Variants in MCM6 observed in about 807,000 individuals in gnomAD.
MCM6 encodes the protein DNA replication licensing factor MCM6.
In MCM6, 46 loss-of-function variants were observed where a neutral mutation model predicts 94.3. The ratio of observed to expected loss-of-function variants is 0.49; its 90% confidence interval spans 0.39 to 0.62. The LOEUF (loss-of-function observed/expected upper bound fraction) is 0.62, where lower values mean the gene tolerates loss of function less well. MCM6 is among the 20% of genes least tolerant of loss of function. MCM6 has a pLI of 0.00. For missense variants in MCM6, 865 were observed against 1,017.9 expected (o/e 0.85, Z 2.04); for synonymous variants, 335 against 351.9 (o/e 0.95, Z 0.54).
chr2:135,865,376 T>G (rs1401895896), intron 6 of MCM6, among the ~76,000 whole-genome samples: 1 of 152,062 alleles, frequency 6.6e-6, no homozygotes, highest in Admixed American at 6.5e-5. Context: ...GTGAGTTAAA[T>G]AGAAAAAAAG....
Position 135,840,896 on chromosome 2 carries a change from C to T in MCM6, c.2405G>A (p.Ser802Asn), listed in dbSNP as rs757228396. Reference protein sequence around the residue: ...QAGLKGSTEGSESYEEDPYLV... With the variant: ...QAGLKGSTEGNESYEEDPYLV... ...GTAGGGATCTTCTTCATAGCTCTCA[C>T]TTCCCTCTGTGGAGCCTTTCAATCC... Residue 802 changes from serine (S) to asparagine (N), a missense_variant, in exon 17 of 17, where the codon AGT becomes AAT. By Grantham distance (46) the Ser-to-Asn change is conservative. This residue lies in a region of MCM6 where 308 missense variants were observed against 324.5 expected (regional missense o/e 0.95). Coordinates refer to ENST00000264156, the MANE Select transcript of MCM6 (RefSeq NM_005915.6). The T allele has an allele frequency of 5.6e-6, 9 of 1,614,188 alleles. No homozygotes were observed. In the Admixed American group the frequency reaches 1.5e-4, roughly 27 times the overall value.
At chr2:135,867,861 A>C (rs1032807245) in intron 4 of MCM6, among the ~76,000 whole-genome samples, 7 of 152,110 alleles carry the variant, frequency 4.6e-5, no homozygotes, top group Non-Finnish European at 1.0e-4. Flanking sequence ...CCCTGTCTCT[A>C]CTAAAAATAC....
In MCM6 at chr2:135,848,077, C is replaced by G. The variant is rs756785273; in HGVS notation, c.2029G>C (p.Asp677His). Residue 677 changes from aspartate (D) to histidine (H), a missense_variant, in exon 14 of 17, where the codon GAT becomes CAT. Physicochemically the swap from Asp to His is moderately conservative, Grantham distance 81. This residue lies in a region of MCM6 where 308 missense variants were observed against 324.5 expected (regional missense o/e 0.95). Coordinates refer to ENST00000264156, the MANE Select transcript of MCM6 (RefSeq NM_005915.6). The part of the protein sequence containing the change: ...DQEEEIQMEV[D>H]EGAGGINGHA... ...CCATTGATGCCACCAGCACCCTCAT[C>G]TACCTCCATCTGGATCTCTTCCTCT... The G allele has an allele frequency of 6.7e-5, 108 of 1,611,812 alleles. No individual in the cohort carries two copies. Among genetic ancestry groups the G allele is most frequent in the Non-Finnish European group, 8.4e-5 (99 of 1,178,142 alleles).
chr2:135,851,194 A>G (rs759157971), intron 13 of MCM6, among the ~76,000 whole-genome samples: 12 of 152,332 alleles, frequency 7.9e-5, no homozygotes, highest in Non-Finnish European at 1.0e-4. Context: ...TGCACTCTAT[A>G]AACTATGACG....
At chr2:135,866,989 T>C (rs1680104615) in intron 4 of MCM6, among the ~76,000 whole-genome samples, 1 of 152,200 alleles carries the variant, frequency 6.6e-6, no homozygotes, top group African/African-American at 2.4e-5. Flanking sequence ...AACTTCACTT[T>C]TACTCATTAA....
chr2:135,866,427 G>T, intron 5 of MCM6, 136 bp downstream of exon 5: 1 of 1,392,602 alleles, frequency 7.2e-7, no homozygotes, highest in Non-Finnish European at 9.8e-7. Flanking sequence ...AAACCAATTT[G>T]TTTTTATTCT....
At chr2:135,842,498 C>G (rs1679593796) in intron 16 of MCM6, among the ~76,000 whole-genome samples, 2 of 152,312 alleles carry the variant, frequency 1.3e-5, no homozygotes, top group African/African-American at 4.8e-5. Flanking sequence ...CCAGGTACCA[C>G]TGTAGCTCCG....
chr2:135,858,652 C>T (rs1679934310), intron 9 of MCM6, among the ~76,000 whole-genome samples: 1 of 152,146 alleles, frequency 6.6e-6, no homozygotes, highest in Non-Finnish European at 1.5e-5. Context: ...CTAGAAAGAA[C>T]CACACAATTG....
At chr2:135,863,202 T>C (rs1271968998) in intron 7 of MCM6, among the ~76,000 whole-genome samples, 1 of 152,232 alleles carries the variant, frequency 6.6e-6, no homozygotes, top group African/African-American at 2.4e-5. Context: ...TGACCAGCAC[T>C]GAATAAATAT....
At chr2:135,854,857 T>A (rs936981314) in intron 11 of MCM6, among the ~76,000 whole-genome samples, 3 of 150,510 alleles carry the variant, frequency 2.0e-5, no homozygotes, top group Non-Finnish European at 4.4e-5. Context: ...TGGGACCCTG[T>A]CTCAAAAACA....
In MCM6 at chr2:135,856,919, T is replaced by C. The variant is rs186421598; in HGVS notation, c.1471-36A>G. On this transcript the variant is annotated intron_variant, in intron 10 of 16. Transcript: ENST00000264156. ...AAGAAAGAATCTTAACAGATTTAAA[T>C]AGACATCAGCCAATAAATATATAAC... The C allele has an allele frequency of 2.2e-5, 34 of 1,577,934 alleles. No individual in the cohort carries two copies. In the African/African-American group the frequency reaches 3.3e-4, roughly 16 times the overall value.
chr2:135,864,861 G>A, intron 7 of MCM6, 152 bp downstream of exon 7: 3 of 464,136 alleles, frequency 6.5e-6, no homozygotes, highest in South Asian at 1.9e-4. Flanking sequence ...TCGTATAAGT[G>A]AAATCATGTA....
At position 135,870,259 on chromosome 2, in the gene MCM6, G is replaced by A. The variant is rs539024963; in HGVS notation, c.357C>T (p.Thr119=). The A allele has an allele frequency of 6.2e-7, 1 of 1,609,730 alleles. No individual in the cohort carries two copies. Among genetic ancestry groups the A allele is most frequent in the Admixed American group, 1.7e-5 (1 of 60,012 alleles). ...AGAGAAGGGTTTCTTACTTGTGTCT[G>A]GTAGGCAGGTCTTGGAATGCAACAT... ...DFYVAFQDLP[T]RHKIRELTSS... The change falls in exon 3 of 17, where the codon ACC becomes ACT. Residue 119 remains threonine (T), a synonymous_variant. Transcript: ENST00000264156.
chr2:135,871,281 G>C (rs1680195290), intron 2 of MCM6, among the ~76,000 whole-genome samples: 1 of 152,174 alleles, frequency 6.6e-6, no homozygotes, highest in Non-Finnish European at 1.5e-5. Context: ...CATGAGGCAT[G>C]GCACAGCTGC....
At chr2:135,852,067 C>G (rs1679787457) in intron 12 of MCM6, 1 of 152,406 alleles carries the variant, frequency 6.6e-6, no homozygotes, top group African/African-American at 2.4e-5. Context: ...TATCAGTATG[C>G]AGTAATGGAG....
chr2:135,871,410 C>A (rs1680197977), intron 2 of MCM6, among the ~76,000 whole-genome samples: 1 of 152,212 alleles, frequency 6.6e-6, no homozygotes, highest in African/African-American at 2.4e-5. Context: ...TATTCTTGAT[C>A]ATCAGCTATG....
At chr2:135,843,812 A>G (rs1382186838) in intron 16 of MCM6, among the ~76,000 whole-genome samples, 4 of 152,030 alleles carry the variant, frequency 2.6e-5, no homozygotes, top group Admixed American at 6.6e-5. Flanking sequence ...CCAGGAGGAT[A>G]CAGTGACTCA....
chr2:135,849,687 T>A (rs533475306), intron 13 of MCM6, among the ~76,000 whole-genome samples: 2 of 152,244 alleles, frequency 1.3e-5, no homozygotes, highest in South Asian at 4.1e-4. Flanking sequence ...ATGAACAGAA[T>A]GGAAAGTCCA....
At chr2:135,843,520 G>A (rs1484226496) in intron 16 of MCM6, among the ~76,000 whole-genome samples, 1 of 151,868 alleles carries the variant, frequency 6.6e-6, no homozygotes, top group African/African-American at 2.4e-5. Context: ...ATCGCCTGAG[G>A]TTAGGAGTTC....
Sources: allele counts gnomAD v4.1 joint callset (sites outside exome capture counted in the v4.1 genomes callset), GRCh38; gene constraint gnomAD v4.1.1; regional missense constraint gnomAD v4.1.1; transcripts MANE v1.5; gene names NCBI Gene and HGNC (gene_info 2026-07-23, HGNC 2026-07-21).